Variants in TMEM232 observed in about 807,000 individuals in gnomAD.
TMEM232 encodes transmembrane protein 232.
Under a neutral mutation model 78.8 loss-of-function variants are expected in TMEM232, and 80 were observed. The observed-to-expected ratio is 1.01, with a 90% CI of 0.85 to 1.22. The LOEUF (loss-of-function observed/expected upper bound fraction) is 1.22. TMEM232 is among the 50% of genes most tolerant of loss of function. The probability of loss-of-function intolerance (pLI) is 0.00; values close to 1 mark genes in which losing one functional copy is unlikely to be tolerated. For missense variants in TMEM232, 881 were observed against 742.2 expected, an observed-to-expected ratio of 1.19 and a Z score of -2.17; for synonymous variants, 297 against 254.3, an observed-to-expected ratio of 1.17 and a Z score of -1.60.
At chr5:110,416,541 G>C (rs1756220893), downstream of TMEM232, among the ~76,000 whole-genome samples, 1 of 152,178 alleles carries the variant, frequency 6.6e-6, no homozygotes, top group African/African-American at 2.4e-5. Context: ...GATAACGTTT[G>C]AAAGCAACCC....
chr5:110,489,418 C>G (rs747737804), intron 12 of TMEM232, among the ~76,000 whole-genome samples: 1 of 151,944 alleles, frequency 6.6e-6, no homozygotes, highest in African/African-American at 2.4e-5. Flanking sequence ...ATGACATGAT[C>G]TCAACAGACA....
At chr5:110,689,362 A>G (rs1793813543) in intron 1 of TMEM232, among the ~76,000 whole-genome samples, 1 of 152,174 alleles carries the variant, frequency 6.6e-6, no homozygotes, top group Non-Finnish European at 1.5e-5. Context: ...CTACTATGTA[A>G]ATTTTAACTT....
At chr5:110,501,424 C>A (rs1186066141) in intron 12 of TMEM232, among the ~76,000 whole-genome samples, 2 of 151,416 alleles carry the variant, frequency 1.3e-5, no homozygotes, top group Non-Finnish European at 2.9e-5. Context: ...GTTATATAAC[C>A]CTTAAGAAGA....
At chr5:110,495,231 A>G (rs1485059477) in intron 12 of TMEM232, among the ~76,000 whole-genome samples, 1 of 151,864 alleles carries the variant, frequency 6.6e-6, no homozygotes, top group Non-Finnish European at 1.5e-5. Flanking sequence ...CCTTATCTAT[A>G]TATGTTAACA....
intron 12 of TMEM232, among the ~76,000 whole-genome samples, chr5:110,426,544 T>C (rs1757249351): frequency 6.6e-6 from 1 of 151,978 alleles, no homozygotes; most frequent in African/African-American, 2.4e-5. Flanking sequence ...TGGAGGGCAA[T>C]CTCAGGAGAC....
At chr5:110,539,213 T>C (rs1772789783) in intron 11 of TMEM232, among the ~76,000 whole-genome samples, 1 of 152,186 alleles carries the variant, frequency 6.6e-6, no homozygotes, top group African/African-American at 2.4e-5. Context: ...CCAGCTATTT[T>C]CCCAATCAAA....
intron 12 of TMEM232, among the ~76,000 whole-genome samples, chr5:110,469,791 G>T (rs753911198): frequency 6.6e-6 from 1 of 152,150 alleles, no homozygotes; most frequent in Non-Finnish European, 1.5e-5. Flanking sequence ...TGTACACCAC[G>T]ATTGCACTGA....
chr5:110,657,773 T>C (rs919955150), intron 2 of TMEM232, among the ~76,000 whole-genome samples: 1 of 152,160 alleles, frequency 6.6e-6, no homozygotes, highest in Non-Finnish European at 1.5e-5. Flanking sequence ...GAAGAAATAA[T>C]ACATGTTTAA....
chr5:110,716,962 T>G (rs150286138), intron 1 of TMEM232, among the ~76,000 whole-genome samples: 1 of 152,128 alleles, frequency 6.6e-6, no homozygotes. Flanking sequence ...GTATGAAGTA[T>G]ACAGCAATTT....
At chr5:110,435,873 GGTTGCTTCTAAACCTTGGCTATTGTGA>G (rs1758377058) in intron 12 of TMEM232, among the ~76,000 whole-genome samples, 1 of 151,876 alleles carries the variant, frequency 6.6e-6, no homozygotes, top group African/African-American at 2.4e-5. Context: ...TGGACACTTG[GGTTGCTTCTAAACCTTGGCTATTGTGA>G]ACAATGCTGC....
chr5:110,646,495 T>C (rs990525113), intron 2 of TMEM232, among the ~76,000 whole-genome samples: 2 of 151,702 alleles, frequency 1.3e-5, no homozygotes, highest in South Asian at 4.1e-4. Flanking sequence ...TCTGAATATC[T>C]ACATGCAGAA....
chr5:110,391,323 G>GTGTT (rs1454081167), intron 3 of TMEM232, among the ~76,000 whole-genome samples: 1 of 145,682 alleles, frequency 6.9e-6, no homozygotes, highest in Non-Finnish European at 1.5e-5. Flanking sequence ...GTGTGTGTGT[G>GTGTT]TGTGAGAGAG....
At chr5:110,711,306 A>C (rs1796447929) in intron 1 of TMEM232, among the ~76,000 whole-genome samples, 10 of 152,250 alleles carry the variant, frequency 6.6e-5, no homozygotes. Context: ...GGATTGGAAG[A>C]ATCAATATTG....
chr5:110,609,246 A>G (rs1256335650), intron 8 of TMEM232, among the ~76,000 whole-genome samples: 1 of 152,030 alleles, frequency 6.6e-6, no homozygotes, highest in Non-Finnish European at 1.5e-5. Context: ...CGAAAACAGA[A>G]AGAGACATCA....
intron 4 of TMEM232, among the ~76,000 whole-genome samples, chr5:110,638,769 T>C (rs1402156414): frequency 6.6e-6 from 1 of 152,124 alleles, no homozygotes; most frequent in Non-Finnish European, 1.5e-5. Flanking sequence ...GGAAGAAATG[T>C]CCAAGGGGGC....
chr5:110,644,969 T>A (rs1206344773), intron 2 of TMEM232, among the ~76,000 whole-genome samples: 1 of 151,346 alleles, frequency 6.6e-6, no homozygotes, highest in Non-Finnish European at 1.5e-5. Flanking sequence ...TACCAACAAA[T>A]TGGATAATCT....
At chr5:110,729,629 T>A (rs1798485567), upstream of TMEM232, among the ~76,000 whole-genome samples, 2 of 152,230 alleles carry the variant, frequency 1.3e-5, no homozygotes, top group South Asian at 4.1e-4. Context: ...AGTTTAAGAA[T>A]TTGAATTTTT....
chr5:110,401,646 C>A (rs1755602594), intron 2 of TMEM232, among the ~76,000 whole-genome samples: 1 of 151,970 alleles, frequency 6.6e-6, no homozygotes, highest in African/African-American at 2.4e-5. Context: ...GTTTGCCATG[C>A]CTCAAATCCA....
chr5:110,535,415 G>A (rs1429004265), intron 11 of TMEM232, among the ~76,000 whole-genome samples: 2 of 151,666 alleles, frequency 1.3e-5, no homozygotes, highest in Admixed American at 6.6e-5. Flanking sequence ...ATCTCTCTTC[G>A]CTGACTCTTT....
Sources: allele counts gnomAD v4.1 joint callset (sites outside exome capture counted in the v4.1 genomes callset), GRCh38; gene constraint gnomAD v4.1.1; transcripts MANE v1.5; gene names NCBI Gene and HGNC (gene_info 2026-07-23, HGNC 2026-07-21).